The following ACSS3 variants were observed in gnomAD, a reference collection of about 807,000 sequenced individuals.
The protein encoded by ACSS3 is acyl-CoA synthetase short chain family member 3.
A neutral mutation model predicts 84.2 loss-of-function variants in ACSS3; 64 were observed. That is an observed-to-expected ratio of 0.76 (90% confidence interval 0.62 to 0.94). The LOEUF is 0.94. Among genes scored for constraint, ACSS3 ranks in the 40% least tolerant of loss-of-function variants. The pLI is 0.00. For missense variants in ACSS3, 815 were observed against 867.6 expected, an observed-to-expected ratio of 0.94 and a Z score of 0.76; for synonymous variants, 317 against 310.1, an observed-to-expected ratio of 1.02 and a Z score of -0.23.
intron 9 of ACSS3, among the ~76,000 whole-genome samples, chr12:81,200,885 C>A (rs2032068796): frequency 8.6e-6 from 1 of 116,330 alleles, no homozygotes; most frequent in African/African-American, 3.4e-5. Flanking sequence ...CAGAGCAAGA[C>A]TGTCAAAAAA....
rs543911701 is a variant in ACSS3 at position 81,139,802 on chromosome 12, AT to A, written c.780+543del. ...AGGTGCCTGCCACCACACCCGGCTA[AT>A]TTTTTGTATTTTTAGTAGAGACGGG... On this transcript the variant is annotated intron_variant, in intron 4 of 15. Coordinates refer to ENST00000548058, the MANE Select transcript of ACSS3 (RefSeq NM_024560.4). Among the ~76,000 whole-genome samples, 3 of 151,296 alleles carry A rather than the reference AT, an allele frequency of 2.0e-5. No individual in the cohort carries two copies. In the East Asian group the frequency reaches 5.8e-4, roughly 29 times the overall value.
chr12:81,141,023 C>T (rs1273329821), intron 4 of ACSS3, among the ~76,000 whole-genome samples: 1 of 152,102 alleles, frequency 6.6e-6, no homozygotes, highest in South Asian at 2.1e-4. Flanking sequence ...CCCAAAGTCA[C>T]GGCTACTAAG....
intron 1 of ACSS3, among the ~76,000 whole-genome samples, chr12:81,101,290 C>T (rs1300192724): frequency 1.3e-5 from 2 of 152,000 alleles, no homozygotes; most frequent in Admixed American, 6.6e-5. Flanking sequence ...GCTAAGCAAG[C>T]TAGACCATTA....
chr12:81,179,825 C>T (rs2030799292), intron 8 of ACSS3, among the ~76,000 whole-genome samples: 1 of 150,126 alleles, frequency 6.7e-6, no homozygotes. Flanking sequence ...TTAGTCCATT[C>T]TCACATTGTA....
In ACSS3 at chr12:81,110,624, A is replaced by G. The variant is rs1593061713; in HGVS notation, c.456+920A>G. Among the ~76,000 whole-genome samples the G allele has an allele frequency of 5.9e-5, 9 of 152,286 alleles. 1 individual carries two copies. In the South Asian group the frequency reaches 1.5e-3, roughly 25 times the overall value. On this transcript the variant is annotated intron_variant, in intron 2 of 15. Coordinates refer to ENST00000548058, the MANE Select transcript of ACSS3 (RefSeq NM_024560.4). ...CTGTTGATATTTTGGATCAGATAAT[A>G]TTTTGTTGTGGGTGCTGCCATGTAC... is the stretch of plus-strand genomic sequence containing the variant.
chr12:81,133,360 T>C (rs923577924), intron 2 of ACSS3, among the ~76,000 whole-genome samples: 1 of 152,170 alleles, frequency 6.6e-6, no homozygotes, highest in South Asian at 2.1e-4. Context: ...AGGCAAGCCA[T>C]GGTCCTTCCA....
intron 1 of ACSS3, among the ~76,000 whole-genome samples, 172 bp downstream of exon 1, chr12:81,078,603 C>T (rs2031888290): frequency 6.6e-6 from 1 of 152,140 alleles, no homozygotes; most frequent in Non-Finnish European, 1.5e-5. Context: ...AGTTCTCTTG[C>T]CTTCTGCTCT....
intron 9 of ACSS3, among the ~76,000 whole-genome samples, chr12:81,203,805 C>T (rs1482250797): frequency 6.6e-6 from 1 of 152,088 alleles, no homozygotes; most frequent in African/African-American, 2.4e-5. Context: ...TTGTCATTCA[C>T]CCAGATGTAT....
At chr12:81,213,950 C>T (rs60262120) in intron 9 of ACSS3, among the ~76,000 whole-genome samples, 204 of 15,754 alleles carry the variant, frequency 0.013, 2 homozygotes, top group Middle Eastern at 0.042. Flanking sequence ...TCTCTCTCTC[C>T]CTCTCTCTCT....
chr12:81,181,165 GA>G (rs1400194571), intron 8 of ACSS3, among the ~76,000 whole-genome samples: 3 of 152,158 alleles, frequency 2.0e-5, no homozygotes, highest in African/African-American at 7.2e-5. Flanking sequence ...CCCAGTGTTA[GA>G]AAGACAAGAA....
chr12:81,238,151 C>A (rs752975708), intron 13 of ACSS3, among the ~76,000 whole-genome samples: 2 of 151,722 alleles, frequency 1.3e-5, no homozygotes, highest in Non-Finnish European at 2.9e-5. Context: ...CCTATTGATG[C>A]GATGGATTAC....
chr12:81,124,084 G>A (rs1439138182), intron 2 of ACSS3, among the ~76,000 whole-genome samples: 1 of 152,170 alleles, frequency 6.6e-6, no homozygotes, highest in Admixed American at 6.5e-5. Context: ...CACAGTGGCT[G>A]AACTAATTCA....
chr12:81,211,989 C>T (rs979596227), intron 9 of ACSS3, among the ~76,000 whole-genome samples: 1 of 152,162 alleles, frequency 6.6e-6, no homozygotes, highest in African/African-American at 2.4e-5. Context: ...AGTTTCCCTT[C>T]TCTTATATTC....
chr12:81,213,982 T>TCTTTCTTTCTTTCTTTCTTTCTTTCTTTC (rs1257696457), intron 9 of ACSS3, among the ~76,000 whole-genome samples: 3 of 39,400 alleles, frequency 7.6e-5, no homozygotes, highest in African/African-American at 1.7e-4. Flanking sequence ...TTTCTTTCTT[T>TCTTTCTTTCTTTCTTTCTTTCTTTCTTTC]CTTTCTTTCT....
At chr12:81,148,233 C>T (rs1233612396) in intron 5 of ACSS3, among the ~76,000 whole-genome samples, 2 of 152,112 alleles carry the variant, frequency 1.3e-5, no homozygotes, top group Non-Finnish European at 2.9e-5. Flanking sequence ...AGGCTTCCCT[C>T]CTCTTCTACA....
intron 2 of ACSS3, among the ~76,000 whole-genome samples, chr12:81,117,519 C>T (rs879519253): frequency 2.0e-5 from 3 of 152,002 alleles, no homozygotes; most frequent in Non-Finnish European, 1.5e-5. Context: ...TGTATTAGGG[C>T]TCTGAAACAA....
chr12:81,244,231 A>G (rs1254704631), intron 13 of ACSS3, among the ~76,000 whole-genome samples: 1 of 152,052 alleles, frequency 6.6e-6, no homozygotes, highest in African/African-American at 2.4e-5. Context: ...TGTGATTCTT[A>G]TCTTTGCTTC....
In ACSS3 at chr12:81,244,343, A is replaced by G. The variant is rs1237893185; in HGVS notation, c.1720-8964A>G. Among the ~76,000 whole-genome samples the G allele has an allele frequency of 4.1e-5, 6 of 145,950 alleles. No individual in the cohort carries two copies. The East Asian group carries it at 1.2e-3, about 29-fold the overall frequency. On this transcript the variant is annotated intron_variant, in intron 13 of 15. Coordinates refer to ENST00000548058, the MANE Select transcript of ACSS3 (RefSeq NM_024560.4). ...TGAGTATGATATGCCTACATGTAGG[A>G]TTTTTTTTTTTACATTTATCTTGCT...
chr12:81,111,061 A>G (rs1009506215), intron 2 of ACSS3, among the ~76,000 whole-genome samples: 1 of 152,154 alleles, frequency 6.6e-6, no homozygotes, highest in Non-Finnish European at 1.5e-5. Flanking sequence ...GAAGAGTTAG[A>G]CCAGTTTGCT....
Sources: allele counts gnomAD v4.1 joint callset (sites outside exome capture counted in the v4.1 genomes callset), GRCh38; gene constraint gnomAD v4.1.1; transcripts MANE v1.5; gene names NCBI Gene and HGNC (gene_info 2026-07-23, HGNC 2026-07-21).